The following TUSC3 variants were observed in gnomAD, a reference collection of about 807,000 sequenced individuals.
TUSC3 encodes dolichyl-diphosphooligosaccharide--protein glycosyltransferase subunit TUSC3.
Under a neutral mutation model 44.8 loss-of-function variants are expected in TUSC3, and 45 were observed. That is an observed-to-expected ratio of 1.00 (90% CI 0.79 to 1.29). The LOEUF is 1.29. TUSC3 is among the 50% of genes most tolerant of loss of function. The pLI, the probability that TUSC3 is intolerant of heterozygous loss-of-function variation, is 0.00. For missense variants in TUSC3, 519 were observed against 437.9 expected (o/e 1.19, Z -1.65); for synonymous variants, 212 against 152.9 (o/e 1.39, Z -2.85).
At chr8:15,525,774 C>T (rs1801365746) in intron 2 of TUSC3, among the ~76,000 whole-genome samples, 1 of 152,092 alleles carries the variant, frequency 6.6e-6, no homozygotes, top group Non-Finnish European at 1.5e-5. Flanking sequence ...TGGAAATGAC[C>T]TCTAAGTCAG....
chr8:15,483,247 T>C (rs895731078), intron 1 of TUSC3: 2 of 160,572 alleles, frequency 1.2e-5, no homozygotes, highest in African/African-American at 4.8e-5. Context: ...AGGCAAATAT[T>C]CTTAAGCAAC....
At chr8:15,828,279 G>C in the TUSC3 span, among the ~76,000 whole-genome samples, 1 of 152,176 alleles carries the variant, frequency 6.6e-6, no homozygotes, top group African/African-American at 2.4e-5. Context: ...ATAGGCATGA[G>C]CCACCGCACC....
In TUSC3 at chr8:15,734,309, A is replaced by C. The variant is rs370418302; in HGVS notation, c.862+3580A>C. On this transcript the variant is annotated intron_variant, in intron 7 of 10. Coordinates refer to ENST00000503731, the MANE Select transcript of TUSC3 (RefSeq NM_006765.4). ...TGCTGAAAAAATCATAAGAGAAAAC[A>C]GATGGAGCATTTTGTATCATAGGTT... Among the ~76,000 whole-genome samples, 104 of 152,352 alleles carry C rather than the reference A, an allele frequency of 6.8e-4. No homozygotes were observed. In the East Asian group the frequency reaches 0.013, roughly 19 times the overall value.
the TUSC3 span, among the ~76,000 whole-genome samples, chr8:15,788,309 G>C: frequency 6.6e-6 from 1 of 152,120 alleles, no homozygotes; most frequent in East Asian, 1.9e-4. Flanking sequence ...CACTTGAAGA[G>C]GCCAAGGCAG....
At chr8:15,733,838 T>G (rs1810823341) in intron 7 of TUSC3, among the ~76,000 whole-genome samples, 1 of 152,126 alleles carries the variant, frequency 6.6e-6, no homozygotes. Context: ...GTTGAGGAGT[T>G]TGAGACCAGC....
intron 1 of TUSC3, among the ~76,000 whole-genome samples, chr8:15,593,654 C>T (rs1032944292): frequency 6.6e-6 from 1 of 152,010 alleles, no homozygotes; most frequent in Non-Finnish European, 1.5e-5. Context: ...ATTTTTCCCT[C>T]ATAAGTCTGT....
intron 1 of TUSC3, among the ~76,000 whole-genome samples, chr8:15,480,534 A>G (rs985000474): frequency 6.6e-6 from 1 of 152,208 alleles, no homozygotes; most frequent in African/African-American, 2.4e-5. Flanking sequence ...CTCTTGCCTC[A>G]TGTCTGATTT....
downstream of TUSC3, among the ~76,000 whole-genome samples, chr8:15,770,094 C>G (rs73199329): frequency 0.18 from 27,548 of 152,080 alleles, 2,511 homozygotes; most frequent in East Asian, 0.24. Context: ...AATCAATCTA[C>G]TTTAGATACA....
At chr8:15,706,664 A>C (rs1809627416) in intron 6 of TUSC3, among the ~76,000 whole-genome samples, 1 of 152,080 alleles carries the variant, frequency 6.6e-6, no homozygotes, top group African/African-American at 2.4e-5. Context: ...CAAGATGTTA[A>C]TATACGAATA....
intron 1 of TUSC3, among the ~76,000 whole-genome samples, chr8:15,455,517 A>G (rs937996449): frequency 2.6e-5 from 4 of 152,196 alleles, no homozygotes; most frequent in Non-Finnish European, 1.5e-5. Flanking sequence ...ATATGTGTAT[A>G]TACATAACAT....
At chr8:15,725,882 T>A (rs1313633112) in intron 6 of TUSC3, among the ~76,000 whole-genome samples, 1 of 152,156 alleles carries the variant, frequency 6.6e-6, no homozygotes, top group Non-Finnish European at 1.5e-5. Flanking sequence ...ATTTGCAGAT[T>A]AGGAAACTGA....
At chr8:15,635,963 GA>G (rs1178507583) in intron 2 of TUSC3, among the ~76,000 whole-genome samples, 3 of 152,196 alleles carry the variant, frequency 2.0e-5, no homozygotes, top group African/African-American at 7.2e-5. Context: ...TCAAAAGATA[GA>G]TGTTTCAAAG....
the TUSC3 span, among the ~76,000 whole-genome samples, chr8:15,840,653 A>G: frequency 6.6e-6 from 1 of 152,126 alleles, no homozygotes; most frequent in Admixed American, 6.6e-5. Flanking sequence ...ATCTGGTATG[A>G]AAAAAATAGG....
the TUSC3 span, among the ~76,000 whole-genome samples, chr8:15,808,281 T>C: frequency 6.6e-6 from 1 of 152,132 alleles, no homozygotes; most frequent in Non-Finnish European, 1.5e-5. Context: ...TTGGTTATTA[T>C]TTTAATACTA....
At chr8:15,742,762 C>T (rs931026222) in intron 7 of TUSC3, among the ~76,000 whole-genome samples, 2 of 152,196 alleles carry the variant, frequency 1.3e-5, no homozygotes, top group Non-Finnish European at 1.5e-5. Flanking sequence ...GGGCGAAATA[C>T]ATATTTTCAG....
intron 2 of TUSC3, among the ~76,000 whole-genome samples, chr8:15,512,870 G>GAATATA (rs1801159119): frequency 9.9e-6 from 1 of 101,212 alleles, no homozygotes; most frequent in Admixed American, 1.1e-4. Context: ...ATATATGTGT[G>GAATATA]TGTATATATA....
chr8:15,611,452 G>A (rs1475897383), intron 1 of TUSC3, among the ~76,000 whole-genome samples: 1 of 152,192 alleles, frequency 6.6e-6, no homozygotes, highest in Non-Finnish European at 1.5e-5. Flanking sequence ...CTCCCAAAGT[G>A]CTGGGATTAC....
Position 15,765,227 on chromosome 8 carries a change from C to T in TUSC3, c.*1071C>T, listed in dbSNP as rs900848764. On this transcript the variant is annotated 3_prime_UTR_variant, in exon 11 of 11. Transcript: ENST00000503731. ...ATCTGACTCATAGAACTAATGGAAG[C>T]TGAAAGCCAAAAATAAAGTTTATAA... 1 of 152,014 alleles carries T rather than the reference C, an allele frequency of 6.6e-6. No individual in the cohort carries two copies. Among genetic ancestry groups the T allele is most frequent in the Non-Finnish European group, 1.5e-5 (1 of 67,946 alleles). The allele number at this position is 152,014 out of a possible 1,614,324, so 9.4% of individuals were successfully genotyped here. A position where few individuals can be genotyped will look rare whatever the true frequency, so the allele number is the denominator to read the frequency against.
At chr8:15,653,672 A>C (rs2129176744) in intron 3 of TUSC3, among the ~76,000 whole-genome samples, 1 of 152,290 alleles carries the variant, frequency 6.6e-6, no homozygotes, top group East Asian at 1.9e-4. Flanking sequence ...GAAATGTGTA[A>C]AAGTTATAGC....
Sources: allele counts gnomAD v4.1 joint callset (sites outside exome capture counted in the v4.1 genomes callset), GRCh38; gene constraint gnomAD v4.1.1; transcripts MANE v1.5; gene names NCBI Gene and HGNC (gene_info 2026-07-23, HGNC 2026-07-21).